The following MSRA variants were observed in gnomAD, a reference collection of about 807,000 sequenced individuals.
MSRA encodes mitochondrial peptide methionine sulfoxide reductase.
MSRA carries 54 observed loss-of-function variants against 31.3 expected under a neutral mutation model. The ratio of observed to expected loss-of-function variants is 1.73; its 90% CI spans 1.39 to 2.17. The LOEUF (loss-of-function observed/expected upper bound fraction) is 2.17, where lower values mean the gene tolerates loss of function less well. MSRA is among the 30% of genes most tolerant of loss of function. MSRA has a pLI of 0.00. For missense variants in MSRA, 507 were observed against 300.9 expected (o/e 1.69, Z -5.07); for synonymous variants, 169 against 116.5 (o/e 1.45, Z -2.90).
intron 1 of MSRA, among the ~76,000 whole-genome samples, chr8:10,085,539 C>T (rs1000660991): frequency 9.9e-5 from 15 of 152,194 alleles, no homozygotes; most frequent in Middle Eastern, 3.2e-3. Flanking sequence ...CCCTTGAAGG[C>T]ATGATACGGT....
At chr8:10,274,744 C>T (rs1354084074) in intron 3 of MSRA, among the ~76,000 whole-genome samples, 1 of 152,086 alleles carries the variant, frequency 6.6e-6, no homozygotes, top group Admixed American at 6.5e-5. Flanking sequence ...TGTACACCCA[C>T]CCACTCACCC....
intron 1 of MSRA, among the ~76,000 whole-genome samples, chr8:10,083,526 T>C (rs1798394441): frequency 6.6e-6 from 1 of 152,222 alleles, no homozygotes; most frequent in African/African-American, 2.4e-5. Flanking sequence ...AAATAAGAAA[T>C]CACATTTTTT....
chr8:10,077,217 G>T (rs1798036141), intron 1 of MSRA, among the ~76,000 whole-genome samples: 1 of 152,194 alleles, frequency 6.6e-6, no homozygotes. Flanking sequence ...TGCCAACAAT[G>T]ATGGGCAAAG....
At chr8:10,111,574 C>T (rs924413202) in intron 1 of MSRA, among the ~76,000 whole-genome samples, 8 of 152,124 alleles carry the variant, frequency 5.3e-5, no homozygotes, top group African/African-American at 1.2e-4. Context: ...TCTTATATAG[C>T]GTTAACACAT....
At chr8:10,313,509 G>A (rs1209387386) in intron 4 of MSRA, among the ~76,000 whole-genome samples, 11 of 151,694 alleles carry the variant, frequency 7.3e-5, no homozygotes, top group Non-Finnish European at 1.2e-4. Flanking sequence ...AAAAAAACAT[G>A]GCATTGGCTT....
chr8:10,121,500 G>A (rs1267336964), intron 1 of MSRA, among the ~76,000 whole-genome samples: 1 of 152,228 alleles, frequency 6.6e-6, no homozygotes, highest in Non-Finnish European at 1.5e-5. Context: ...GGGGGCAGGT[G>A]TGGCAGGGGT....
chr8:10,172,119 T>C (rs1452455571), intron 1 of MSRA, among the ~76,000 whole-genome samples: 1 of 152,094 alleles, frequency 6.6e-6, no homozygotes, highest in Non-Finnish European at 1.5e-5. Flanking sequence ...AATGGCAGGG[T>C]GGCAGAACTA....
At chr8:10,130,011 A>G (rs762773705) in intron 1 of MSRA, among the ~76,000 whole-genome samples, 1 of 152,230 alleles carries the variant, frequency 6.6e-6, no homozygotes, top group East Asian at 1.9e-4. Context: ...TCCATATGCT[A>G]GCAGTACCTA....
At chr8:10,285,376 A>G (rs893707167) in intron 3 of MSRA, among the ~76,000 whole-genome samples, 7 of 152,308 alleles carry the variant, frequency 4.6e-5, no homozygotes, top group African/African-American at 1.4e-4. Context: ...ACACCTAAAA[A>G]TGGTACCTAT....
In MSRA at chr8:10,182,178, A is replaced by G. The variant is rs1195043382; in HGVS notation, c.143-25655A>G. 2.6e-5 allele frequency among the ~76,000 whole-genome samples: 4 copies of G among 152,236 alleles called. No homozygotes were observed. In the East Asian group the frequency reaches 5.8e-4, roughly 22 times the overall value. On this transcript the variant is annotated intron_variant, in intron 1 of 5. Transcript: ENST00000317173. Reference sequence around the variant, plus strand: ...GTTTATCCTCTAAGCTGCAGCAGCTATGTCAGGTTTCCTGATTCCTGACCC... The same window carrying G: ...GTTTATCCTCTAAGCTGCAGCAGCTGTGTCAGGTTTCCTGATTCCTGACCC...
At chr8:10,420,140 G>A (rs1808722680) in intron 5 of MSRA, among the ~76,000 whole-genome samples, 1 of 152,154 alleles carries the variant, frequency 6.6e-6, no homozygotes. Context: ...GCCACCTCCT[G>A]GAGGAAGCTT....
chr8:10,232,818 C>G (rs968304059), intron 2 of MSRA, among the ~76,000 whole-genome samples: 1 of 152,268 alleles, frequency 6.6e-6, no homozygotes, highest in Admixed American at 6.5e-5. Flanking sequence ...TTGGAAAATT[C>G]TTACCAAGTA....
intron 3 of MSRA, among the ~76,000 whole-genome samples, chr8:10,287,005 C>A (rs1799973320): frequency 6.6e-6 from 1 of 152,220 alleles, no homozygotes; most frequent in Admixed American, 6.5e-5. Context: ...AATATTCTAG[C>A]TACAGTGCCA....
intron 1 of MSRA, among the ~76,000 whole-genome samples, chr8:10,116,614 C>T (rs781082594): frequency 6.6e-6 from 1 of 152,118 alleles, no homozygotes; most frequent in Non-Finnish European, 1.5e-5. Context: ...CGATAGACAC[C>T]TAGGATGCTG....
chr8:10,421,713 G>C (rs1000612500), intron 5 of MSRA, among the ~76,000 whole-genome samples: 1 of 152,198 alleles, frequency 6.6e-6, no homozygotes, highest in Non-Finnish European at 1.5e-5. Context: ...GGAGTGACCC[G>C]GCTGCTTTTC....
intron 4 of MSRA, among the ~76,000 whole-genome samples, chr8:10,303,539 G>A (rs1233297590): frequency 6.6e-6 from 1 of 152,214 alleles, no homozygotes; most frequent in Admixed American, 6.5e-5. Context: ...AACAAGGCAA[G>A]GGCATGGCTA....
chr8:10,299,498 G>C (rs1800727933), intron 3 of MSRA, among the ~76,000 whole-genome samples: 1 of 151,960 alleles, frequency 6.6e-6, no homozygotes, highest in African/African-American at 2.4e-5. Flanking sequence ...AATCTGTTTA[G>C]ATGCTAACTT....
chr8:10,166,763 G>C (rs749372235), intron 1 of MSRA, among the ~76,000 whole-genome samples: 2 of 152,084 alleles, frequency 1.3e-5, no homozygotes, highest in Non-Finnish European at 1.5e-5. Flanking sequence ...GCTTGTTGGT[G>C]GTTTTGCCCA....
Position 10,376,521 on chromosome 8 carries a change from T to C in MSRA, c.544-51627T>C, listed in dbSNP as rs1805765192. 2.0e-5 allele frequency among the ~76,000 whole-genome samples: 3 copies of C among 152,174 alleles called. No homozygotes were observed. The South Asian group carries it at 6.2e-4, about 32-fold the overall frequency. ...AGTTTCCCAATCTCTACAATAAGGG[T>C]AATGATAGGACCTGCCTCCTGGGGT... On this transcript the variant is annotated intron_variant, in intron 5 of 5. Transcript: ENST00000317173.
Sources: allele counts gnomAD v4.1 joint callset (sites outside exome capture counted in the v4.1 genomes callset), GRCh38; gene constraint gnomAD v4.1.1; transcripts MANE v1.5; gene names NCBI Gene and HGNC (gene_info 2026-07-23, HGNC 2026-07-21).